ITK: variants seen among roughly 807,000 people sequenced by gnomAD.
ITK encodes tyrosine-protein kinase ITK/TSK.
ITK carries 45 observed loss-of-function variants against 87.6 expected under a neutral mutation model. The observed-to-expected ratio is 0.51, with a 90% CI of 0.40 to 0.66. The LOEUF is 0.66. Among genes scored for constraint, ITK ranks in the 30% least tolerant of loss-of-function variants. ITK has a pLI of 0.00. For synonymous variants in ITK, 303 were observed against 273.6 expected, an observed-to-expected ratio of 1.11 and a Z score of -1.06; for missense variants, 605 against 766.3, an observed-to-expected ratio of 0.79 and a Z score of 2.48.
chr5:157,203,105 C>T (rs185811722), intron 1 of ITK, among the ~76,000 whole-genome samples: 168 of 152,330 alleles, frequency 1.1e-3, no homozygotes, highest in Admixed American at 2.6e-3. Context: ...CCCTTTCTCT[C>T]TCCAGAGAGG....
rs892288467 is a variant in ITK at position 157,194,334 on chromosome 5, G to C, written c.138+13219G>C. On this transcript the variant is annotated intron_variant, in intron 1 of 16. Transcript: ENST00000422843. Reference sequence around the variant, plus strand: ...CATGAGTTCCTGGACTTGTAAACCTGAGGATCTGTTCCTGGGGTGGCCTCT... The same window carrying C: ...CATGAGTTCCTGGACTTGTAAACCTCAGGATCTGTTCCTGGGGTGGCCTCT... 2.0e-5 allele frequency among the ~76,000 whole-genome samples: 3 copies of C among 152,282 alleles called. No individual in the cohort carries two copies. In the South Asian group the frequency reaches 6.2e-4, roughly 32 times the overall value.
chr5:157,254,061 C>CA lies in ITK; in HGVS notation c.*1386dup, dbSNP rs1484458388. ...AAAGTCTAGAGCTGGTATTCTAGCCCAAATCTGTCTGACCGCAATACACAG... is the reference window on the plus strand; with the variant it reads ...AAAGTCTAGAGCTGGTATTCTAGCCCAAAATCTGTCTGACCGCAATACACAG... On this transcript the variant is annotated 3_prime_UTR_variant, in exon 17 of 17. Transcript: ENST00000422843. The CA allele has an allele frequency of 2.2e-5, 5 of 226,780 alleles. No homozygotes were observed. The highest frequency in any genetic ancestry group is 4.4e-5 in the Non-Finnish European group (5 of 114,134). The allele number at this position is 226,780 out of a possible 1,614,324, so 14.0% of individuals were successfully genotyped here.
chr5:157,184,856 A>T (rs1239160199), intron 1 of ITK, among the ~76,000 whole-genome samples: 4 of 152,184 alleles, frequency 2.6e-5, no homozygotes, highest in Non-Finnish European at 4.4e-5. Context: ...TCCTATTTTG[A>T]TGACTCTTTG....
At chr5:157,202,051 T>C (rs567632777) in intron 1 of ITK, among the ~76,000 whole-genome samples, 2 of 152,292 alleles carry the variant, frequency 1.3e-5, no homozygotes, top group South Asian at 2.1e-4. Flanking sequence ...GCTCACTTTT[T>C]AGCCCCCACT....
chr5:157,189,250 A>G (rs1472028758), intron 1 of ITK, among the ~76,000 whole-genome samples: 1 of 152,228 alleles, frequency 6.6e-6, no homozygotes, highest in Non-Finnish European at 1.5e-5. Context: ...CTTTTCTCAC[A>G]ATAAAATTAG....
chr5:157,229,649 C>T (rs1272630251), intron 7 of ITK, among the ~76,000 whole-genome samples: 1 of 152,168 alleles, frequency 6.6e-6, no homozygotes, highest in Non-Finnish European at 1.5e-5. Flanking sequence ...CGCAGTGGCC[C>T]ACACCTGTAG....
At chr5:157,182,837 T>C (rs1037601418) in intron 1 of ITK, among the ~76,000 whole-genome samples, 4 of 152,214 alleles carry the variant, frequency 2.6e-5, no homozygotes, top group Non-Finnish European at 4.4e-5. Flanking sequence ...TGTGAACTGA[T>C]TGTGAATTCA....
At chr5:157,206,962 C>G (rs1272314118) in intron 1 of ITK, among the ~76,000 whole-genome samples, 1 of 151,660 alleles carries the variant, frequency 6.6e-6, no homozygotes, top group African/African-American at 2.4e-5. Flanking sequence ...ATACATTTGT[C>G]AAAACTCACT....
chr5:157,223,033 T>G lies in ITK; in HGVS notation c.647+19T>G, dbSNP rs752059140. On this transcript the variant is annotated intron_variant, in intron 6 of 16. Coordinates refer to ENST00000422843, the MANE Select transcript of ITK (RefSeq NM_005546.4). ...GGAATGGGTAAGTCATCTTTGTGGC[T>G]GCTGTCCCCGTGTTTGAGGTGTGGT... The G allele has an allele frequency of 1.9e-5, 30 of 1,613,918 alleles. No individual in the cohort carries two copies. Among genetic ancestry groups the G allele is most frequent in the Non-Finnish European group, 2.4e-5 (28 of 1,179,972 alleles).
At chr5:157,238,260 G>T in intron 9 of ITK, 69 bp downstream of exon 9, 1 of 1,210,190 alleles carries the variant, frequency 8.3e-7, no homozygotes, top group East Asian at 2.3e-5. Context: ...CTGGGGAAAA[G>T]ACAACAAAGT....
chr5:157,198,230 A>T (rs1472435519), intron 1 of ITK, among the ~76,000 whole-genome samples: 1 of 152,204 alleles, frequency 6.6e-6, no homozygotes, highest in East Asian at 1.9e-4. Flanking sequence ...ATGAGAAAAC[A>T]CATTTTAATA....
chr5:157,185,434 G>T (rs1419534570), intron 1 of ITK, among the ~76,000 whole-genome samples: 1 of 151,816 alleles, frequency 6.6e-6, no homozygotes, highest in Admixed American at 6.6e-5. Context: ...GTAGAGACGG[G>T]GTTTCACCAT....
At chr5:157,233,280 T>A (rs1754696041) in intron 8 of ITK, among the ~76,000 whole-genome samples, 1 of 152,180 alleles carries the variant, frequency 6.6e-6, no homozygotes, top group Admixed American at 6.5e-5. Context: ...ACACAGCTGA[T>A]CTCAGTCCAT....
chr5:157,235,777 T>A (rs1180889225), intron 8 of ITK, among the ~76,000 whole-genome samples: 1 of 152,210 alleles, frequency 6.6e-6, no homozygotes, highest in Non-Finnish European at 1.5e-5. Context: ...TCACAATAAC[T>A]TACCCTGTGT....
chr5:157,231,471 T>A (rs1437423616), intron 7 of ITK, among the ~76,000 whole-genome samples: 1 of 152,260 alleles, frequency 6.6e-6, no homozygotes, highest in East Asian at 1.9e-4. Context: ...TGTCATGTAC[T>A]GTTCTGTCTT....
chr5:157,208,126 G>A lies in ITK; in HGVS notation c.139-763G>A, dbSNP rs147683300. On this transcript the variant is annotated intron_variant, in intron 1 of 16. Coordinates refer to ENST00000422843, the MANE Select transcript of ITK (RefSeq NM_005546.4). ...GCACTTTCCTAACTATCTTTCCTTG[G>A]AGCCTGATAGACCACCAATGGAATT... Among the ~76,000 whole-genome samples, 485 of 152,234 alleles carry A rather than the reference G, an allele frequency of 3.2e-3. 2 individuals carry two copies. The highest frequency in any genetic ancestry group is 0.011 in the African/African-American group (461 of 41,522).
intron 15 of ITK, among the ~76,000 whole-genome samples, chr5:157,247,498 T>A (rs1755045894): frequency 6.6e-6 from 1 of 152,222 alleles, no homozygotes; most frequent in Non-Finnish European, 1.5e-5. Context: ...ATGGCCACTT[T>A]AGCACATTCA....
intron 1 of ITK, among the ~76,000 whole-genome samples, chr5:157,200,835 T>A (rs1256247322): frequency 6.6e-6 from 1 of 152,196 alleles, no homozygotes; most frequent in Non-Finnish European, 1.5e-5. Context: ...GGAGTCTCGC[T>A]GTCCACTAAG....
intron 15 of ITK, among the ~76,000 whole-genome samples, chr5:157,247,449 C>T (rs1755044716): frequency 6.6e-6 from 1 of 152,156 alleles, no homozygotes; most frequent in South Asian, 2.1e-4. Context: ...TCACACTGCA[C>T]CAAGCAAGCA....
Sources: allele counts gnomAD v4.1 joint callset (sites outside exome capture counted in the v4.1 genomes callset), GRCh38; gene constraint gnomAD v4.1.1; transcripts MANE v1.5; gene names NCBI Gene and HGNC (gene_info 2026-07-23, HGNC 2026-07-21).